The following BCR variants were observed in gnomAD, a reference collection of about 807,000 sequenced individuals.
The protein encoded by BCR is BCR activator of RhoGEF and GTPase.
Under a neutral mutation model 138.6 loss-of-function variants are expected in BCR, and 58 were observed. The observed-to-expected ratio is 0.42, with a 90% CI of 0.34 to 0.52. The LOEUF is 0.52. BCR is among the 20% of genes least tolerant of loss of function. BCR has a pLI of 0.06. For missense variants in BCR, 1,599 were observed against 1,727.2 expected (o/e 0.93, Z 1.32); for synonymous variants, 786 against 730.1 (o/e 1.08, Z -1.23).
intron 15 of BCR, 57 bp from the exon 16 acceptor site, chr22:23,294,966 AG>A: frequency 6.3e-7 from 1 of 1,588,922 alleles, no homozygotes; most frequent in Non-Finnish European, 8.6e-7. Context: ...AGGACCCTTC[AG>A]CCATAACATT....
chr22:23,181,217 G>T lies in BCR; in HGVS notation c.257G>T (p.Gly86Val). The T allele has an allele frequency of 8.0e-7, 1 of 1,252,608 alleles. No individual in the cohort carries two copies. The highest frequency in any genetic ancestry group is 1.6e-5 in the African/African-American group (1 of 63,582). 77.6% of individuals were successfully genotyped at this position (1,252,608 alleles called of 1,614,324 possible). Residue 86 changes from glycine to valine, a missense_variant, in exon 1 of 23, where the codon GGC (glycine) becomes GTC (valine). Transcript: ENST00000305877. ...GFRRAAQAPDGASEPRASASR... is the reference protein window; with the variant it reads ...GFRRAAQAPDVASEPRASASR... ...CGGCGCGCGGCGCAGGCCCCCGACG[G>T]CGCCTCCGAGCCCCGAGCGTCCGCG... is the stretch of plus-strand genomic sequence containing the variant.
chr22:23,228,373 A>G (rs116729044), intron 1 of BCR, among the ~76,000 whole-genome samples: 68 of 152,206 alleles, frequency 4.5e-4, no homozygotes, highest in African/African-American at 1.6e-3. Context: ...TTTAATAGTA[A>G]TGTTTCATTT....
rs558445517 is a variant in BCR at position 23,308,709 on chromosome 22, C to T, written c.3013-715C>T. ...GACATAGAACGTGCTCCCCATAAAA[C>T]GGGAGACAGAGGCTTCACGGATGGG... On this transcript the variant is annotated intron_variant, in intron 16 of 22. Coordinates refer to ENST00000305877, the MANE Select transcript of BCR (RefSeq NM_004327.4). Among the ~76,000 whole-genome samples the T allele has an allele frequency of 2.6e-5, 4 of 152,300 alleles. No homozygotes were observed. In the East Asian group the frequency reaches 5.8e-4, roughly 22 times the overall value.
At chr22:23,211,199 T>C (rs571144474) in intron 1 of BCR, among the ~76,000 whole-genome samples, 1 of 152,272 alleles carries the variant, frequency 6.6e-6, no homozygotes, top group South Asian at 2.1e-4. Context: ...TCTTTTTTTA[T>C]TTGTTTGTTT....
chr22:23,272,991 C>G, intron 6 of BCR, 90 bp from the exon 7 acceptor site: 1 of 1,437,144 alleles, frequency 7.0e-7, no homozygotes, highest in Middle Eastern at 2.4e-4. Flanking sequence ...GGGGCAGCCC[C>G]CTCCCCACTC....
At chr22:23,274,582 C>T (rs925116430) in intron 8 of BCR, among the ~76,000 whole-genome samples, 6 of 152,312 alleles carry the variant, frequency 3.9e-5, no homozygotes, top group Admixed American at 2.0e-4. Flanking sequence ...AGGCAGGACA[C>T]AGGCTGGGCG....
At chr22:23,182,667 T>C (rs1460905751) in intron 1 of BCR, among the ~76,000 whole-genome samples, 1 of 152,202 alleles carries the variant, frequency 6.6e-6, no homozygotes, top group Non-Finnish European at 1.5e-5. Context: ...GATTTATGTC[T>C]TGGGCATTCC....
chr22:23,181,976 C>G lies in BCR; in HGVS notation c.1016C>G (p.Thr339Ser). 6.2e-7 allele frequency: 1 copy of G among 1,613,392 alleles called. No individual in the cohort carries two copies. Among genetic ancestry groups the G allele is most frequent in the Non-Finnish European group, 8.5e-7 (1 of 1,179,950 alleles). The change falls in exon 1 of 23, where the codon ACC becomes AGC. Residue 339 changes from threonine to serine, a missense_variant. Around this residue, in one of 4 missense-constraint regions of BCR, gnomAD observed 806 missense variants for 635.0 expected, o/e 1.27. Coordinates refer to ENST00000305877, the MANE Select transcript of BCR (RefSeq NM_004327.4). Reference sequence around the variant, plus strand: ...GACTGCAGCTCCAATGAGAACCTCACCTCCAGCGAGGAGGACTTCTCCTCT... The same window carrying G: ...GACTGCAGCTCCAATGAGAACCTCAGCTCCAGCGAGGAGGACTTCTCCTCT... ...TPDCSSNENL[T>S]SSEEDFSSGQ...
intron 10 of BCR, among the ~76,000 whole-genome samples, chr22:23,285,886 T>C (rs1010873781): frequency 1.3e-5 from 2 of 152,222 alleles, no homozygotes; most frequent in African/African-American, 4.8e-5. Context: ...GGCAAATGCC[T>C]GGATGGTCCT....
chr22:23,232,857 G>T (rs1336630649), intron 1 of BCR, among the ~76,000 whole-genome samples: 1 of 152,240 alleles, frequency 6.6e-6, no homozygotes, highest in Non-Finnish European at 1.5e-5. Flanking sequence ...TGGAGCCCCT[G>T]TTCTGGATCC....
chr22:23,195,088 C>T (rs907813613), intron 1 of BCR, among the ~76,000 whole-genome samples: 1 of 151,870 alleles, frequency 6.6e-6, no homozygotes, highest in Admixed American at 6.6e-5. Context: ...ACCAGCCTGG[C>T]CAACATGGTG....
At chr22:23,197,672 T>C (rs1017795541) in intron 1 of BCR, among the ~76,000 whole-genome samples, 1 of 152,034 alleles carries the variant, frequency 6.6e-6, no homozygotes, top group Non-Finnish European at 1.5e-5. Context: ...TGTTGTGCTT[T>C]CTTTGAGGAT....
intron 1 of BCR, among the ~76,000 whole-genome samples, chr22:23,213,676 A>G (rs1879490166): frequency 6.6e-6 from 1 of 152,112 alleles, no homozygotes. Flanking sequence ...ACGTAAAAAT[A>G]TTAATTGCTG....
chr22:23,223,591 G>C (rs1602032556), intron 1 of BCR, among the ~76,000 whole-genome samples: 1 of 152,128 alleles, frequency 6.6e-6, no homozygotes, highest in Non-Finnish European at 1.5e-5. Context: ...TGAGCCCTAG[G>C]CTGCCGGTGC....
Position 23,314,005 on chromosome 22 carries a change from C to T in BCR, c.3495C>T (p.Leu1165=), listed in dbSNP as rs1181071528. 1 of 1,614,064 alleles carries T rather than the reference C, an allele frequency of 6.2e-7. No homozygotes were observed. The highest frequency in any genetic ancestry group is 1.7e-5 in the Admixed American group (1 of 60,020). Residue 1165 remains leucine (L), a synonymous_variant, in exon 21 of 23, where the codon CTC becomes CTT. Coordinates refer to ENST00000305877, the MANE Select transcript of BCR (RefSeq NM_004327.4). ...SDPVAKESCM[L]NLLLSLPEAN... ...CGGTTGCAAAGGAGAGCTGCATGCT[C>T]AACCTGCTGCTGTCCCTGCCGGAGG...
At chr22:23,201,964 T>C (rs4820547) in intron 1 of BCR, among the ~76,000 whole-genome samples, 71,055 of 152,118 alleles carry the variant, frequency 0.47, 19,035 homozygotes, top group East Asian at 0.91. Flanking sequence ...TAATTATGTG[T>C]AAATCTTTTT....
chr22:23,258,408 C>T (rs1243768284), intron 2 of BCR, among the ~76,000 whole-genome samples: 1 of 152,208 alleles, frequency 6.6e-6, no homozygotes, highest in Non-Finnish European at 1.5e-5. Context: ...ATGGGGCAGG[C>T]CAGGCCCTGG....
chr22:23,259,136 C>T (rs2073329355), intron 2 of BCR, among the ~76,000 whole-genome samples: 1 of 152,276 alleles, frequency 6.6e-6, no homozygotes, highest in African/African-American at 2.4e-5. Flanking sequence ...TGGCCTTTGG[C>T]ATCATCATCT....
At chr22:23,289,652 C>G in intron 13 of BCR, 31 bp downstream of exon 13, 1 of 1,580,248 alleles carries the variant, frequency 6.3e-7, no homozygotes, top group South Asian at 1.1e-5. Context: ...GTACAGGGCA[C>G]CTGCAGGGAG....
Sources: gnomAD v4.1 joint callset for allele counts (sites outside exome capture counted in the v4.1 genomes callset) on GRCh38, gnomAD v4.1.1 for gene constraint, gnomAD v4.1.1 regional missense constraint, MANE v1.5 for transcripts, NCBI Gene and HGNC (gene_info 2026-07-23, HGNC 2026-07-21) for gene names.